The following WDR64 variants were observed in gnomAD, a reference collection of about 807,000 sequenced individuals.
WDR64 encodes WD repeat-containing protein 64.
A neutral mutation model predicts 139.3 loss-of-function variants in WDR64; 112 were observed. That is an observed-to-expected ratio of 0.80 (90% confidence interval 0.69 to 0.94). The LOEUF (loss-of-function observed/expected upper bound fraction) is 0.94. WDR64 is among the 40% of genes least tolerant of loss of function. The probability of loss-of-function intolerance (pLI) is 0.00; values close to 1 mark genes in which losing one functional copy is unlikely to be tolerated. For synonymous variants in WDR64, 444 were observed against 437.7 expected, an observed-to-expected ratio of 1.01 and a Z score of -0.18; for missense variants, 1,206 against 1,293.1, an observed-to-expected ratio of 0.93 and a Z score of 1.03.
intron 22 of WDR64, among the ~76,000 whole-genome samples, chr1:241,781,023 C>T (rs548534748): frequency 3.1e-4 from 47 of 152,142 alleles, no homozygotes; most frequent in Non-Finnish European, 5.3e-4. Context: ...TGAACAAAAA[C>T]AAACCGTATG....
chr1:241,713,418 GGAAGGGAA>G, intron 9 of WDR64, among the ~76,000 whole-genome samples: 2 of 138,194 alleles, frequency 1.4e-5, no homozygotes, highest in Non-Finnish European at 1.6e-5. Flanking sequence ...AGGAAGGGAA[GGAAGGGAA>G]GGAAGGAAGG....
intron 10 of WDR64, among the ~76,000 whole-genome samples, chr1:241,732,033 C>T (rs1669099898): frequency 6.6e-6 from 1 of 152,078 alleles, no homozygotes; most frequent in African/African-American, 2.4e-5. Context: ...TCTTCAGGCT[C>T]CTTAAGGTAA....
chr1:241,653,331 T>C (rs996528699), intron 1 of WDR64, among the ~76,000 whole-genome samples: 1 of 152,208 alleles, frequency 6.6e-6, no homozygotes, highest in Non-Finnish European at 1.5e-5. Flanking sequence ...AGGGATAGTA[T>C]AGCCAGCCTC....
chr1:241,748,446 AG>A (rs1210455753), intron 13 of WDR64, among the ~76,000 whole-genome samples: 1 of 152,140 alleles, frequency 6.6e-6, no homozygotes, highest in Non-Finnish European at 1.5e-5. Flanking sequence ...CACATGACAA[AG>A]GGGCAAGGCA....
intron 23 of WDR64, 102 bp from the exon 24 acceptor site, chr1:241,787,747 C>A: frequency 1.0e-6 from 1 of 1,004,498 alleles, no homozygotes; most frequent in East Asian, 2.8e-5. Context: ...TAAAAAAATC[C>A]TTGATGGACC....
At chr1:241,671,933 G>A (rs979761000) in intron 3 of WDR64, among the ~76,000 whole-genome samples, 50 of 152,156 alleles carry the variant, frequency 3.3e-4, no homozygotes, top group Non-Finnish European at 1.5e-5. Context: ...GGCACTTTGA[G>A]GAGGTCAAGG....
At chr1:241,740,835 G>C (rs1574059125) in intron 11 of WDR64, among the ~76,000 whole-genome samples, 1 of 151,764 alleles carries the variant, frequency 6.6e-6, no homozygotes, top group Non-Finnish European at 1.5e-5. Flanking sequence ...CCGGCTAATT[G>C]AGATTCTTAT....
chr1:241,659,779 C>CT (rs1036944563), intron 1 of WDR64, among the ~76,000 whole-genome samples: 1 of 151,984 alleles, frequency 6.6e-6, no homozygotes, highest in African/African-American at 2.4e-5. Flanking sequence ...TGTAAATTTG[C>CT]TTAAGTTCCT....
chr1:241,673,243 A>G (rs946106997), intron 3 of WDR64, among the ~76,000 whole-genome samples: 7 of 152,132 alleles, frequency 4.6e-5, no homozygotes, highest in South Asian at 2.1e-4. Context: ...TGACGAGTTA[A>G]TGGGTGCAGC....
chr1:241,712,144 T>C (rs1356739258), intron 9 of WDR64, among the ~76,000 whole-genome samples: 1 of 152,226 alleles, frequency 6.6e-6, no homozygotes, highest in Non-Finnish European at 1.5e-5. Flanking sequence ...TTTAGAGCTT[T>C]AATCCATCTG....
chr1:241,674,989 C>T (rs1223454999), intron 4 of WDR64, among the ~76,000 whole-genome samples: 58 of 37,746 alleles, frequency 1.5e-3, no homozygotes, highest in Non-Finnish European at 2.5e-3. Flanking sequence ...TCTTTCCTCC[C>T]TTTCTCCCTC....
At chr1:241,696,308 A>T (rs893099301) in intron 8 of WDR64, among the ~76,000 whole-genome samples, 4 of 151,898 alleles carry the variant, frequency 2.6e-5, no homozygotes, top group African/African-American at 9.7e-5. Flanking sequence ...ACCTCACTGA[A>T]GTCTCAGATA....
intron 21 of WDR64, among the ~76,000 whole-genome samples, chr1:241,776,111 C>T (rs1658648526): frequency 6.6e-6 from 1 of 151,770 alleles, no homozygotes; most frequent in South Asian, 2.1e-4. Flanking sequence ...CAGAGTCTAT[C>T]CCTGTTGCCC....
rs142174601 is a variant in WDR64, at chr1:241,711,803, C to A, written c.976C>A (p.Pro326Thr). Residue 326 changes from proline (P) to threonine (T), a missense_variant and splice_region_variant, in exon 9 of 28, where the codon CCT (proline) becomes ACT (threonine). Coordinates refer to ENST00000437684, the MANE Select transcript of WDR64 (RefSeq NM_001367482.1). ...TTCCATCTAATTTGTGTTTTCCAGG[C>A]CTGTCAGAGAGTTTTCCATGCCAAG... ...ESLKRLEDNL[P>T]VREFSMPRGA... 237 of 1,614,024 alleles carry A rather than the reference C, an allele frequency of 1.5e-4. No homozygotes were observed. In the African/African-American group the frequency reaches 2.9e-3, roughly 20 times the overall value.
chr1:241,672,552 C>CA (rs374086918), intron 3 of WDR64, among the ~76,000 whole-genome samples: 3 of 152,338 alleles, frequency 2.0e-5, no homozygotes, highest in Non-Finnish European at 2.9e-5. Context: ...GGTGAACAAA[C>CA]AGACACAAAT....
intron 9 of WDR64, among the ~76,000 whole-genome samples, chr1:241,720,092 C>T (rs1227281389): frequency 6.6e-6 from 1 of 152,138 alleles, no homozygotes; most frequent in Non-Finnish European, 1.5e-5. Flanking sequence ...CTGAGGATAA[C>T]GGCTTCCAGC....
intron 15 of WDR64, among the ~76,000 whole-genome samples, chr1:241,758,349 T>G (rs1284827326): frequency 1.3e-5 from 2 of 150,638 alleles, no homozygotes; most frequent in Admixed American, 1.3e-4. Context: ...CCATTGATGA[T>G]CACTACCTAG....
At chr1:241,685,156 T>C (rs1403038807) in intron 7 of WDR64, among the ~76,000 whole-genome samples, 1 of 150,052 alleles carries the variant, frequency 6.7e-6, no homozygotes. Flanking sequence ...GATATATAAA[T>C]ATATAATATA....
At chr1:241,781,741 T>C (rs1334910152) in intron 22 of WDR64, among the ~76,000 whole-genome samples, 1 of 151,846 alleles carries the variant, frequency 6.6e-6, no homozygotes, top group Non-Finnish European at 1.5e-5. Context: ...GTAACCAGTA[T>C]TTTTATAAAA....
Sources: gnomAD v4.1 joint callset for allele counts (sites outside exome capture counted in the v4.1 genomes callset) on GRCh38, gnomAD v4.1.1 for gene constraint, MANE v1.5 for transcripts, NCBI Gene and HGNC (gene_info 2026-07-23, HGNC 2026-07-21) for gene names.